The following DYM variants were observed in gnomAD, a reference collection of about 807,000 sequenced individuals.
The protein encoded by DYM is dyggve-Melchior-Clausen syndrome protein.
A neutral mutation model predicts 93.1 loss-of-function variants in DYM; 78 were observed. The ratio of observed to expected loss-of-function variants is 0.84; its 90% CI spans 0.70 to 1.01. DYM has a LOEUF of 1.01. Ranked by LOEUF, DYM falls within the 50% of genes least tolerant of loss-of-function variation. The pLI is 0.00. For synonymous variants in DYM, 321 were observed against 319.7 expected, an observed-to-expected ratio of 1.00 and a Z score of -0.04; for missense variants, 789 against 845.0, an observed-to-expected ratio of 0.93 and a Z score of 0.82.
intron 13 of DYM, among the ~76,000 whole-genome samples, chr18:49,216,008 G>T (rs2093018858): frequency 2.0e-5 from 3 of 152,224 alleles, no homozygotes; most frequent in Admixed American, 6.5e-5. Flanking sequence ...CAAAGAAAGG[G>T]GTGACAGATG....
chr18:49,225,408 G>A (rs2093493749), intron 13 of DYM, among the ~76,000 whole-genome samples: 1 of 152,082 alleles, frequency 6.6e-6, no homozygotes, highest in South Asian at 2.1e-4. Context: ...AACATCCTGG[G>A]AATCTCTAGT....
chr18:49,131,230 T>C (rs1414350458), intron 15 of DYM, among the ~76,000 whole-genome samples: 2 of 152,272 alleles, frequency 1.3e-5, no homozygotes, highest in East Asian at 1.9e-4. Flanking sequence ...ATGGAGGACA[T>C]TTCAATCTTC....
intron 15 of DYM, among the ~76,000 whole-genome samples, chr18:49,129,555 A>G (rs1220239571): frequency 6.6e-6 from 1 of 152,198 alleles, no homozygotes; most frequent in East Asian, 1.9e-4. Context: ...AAAGCAGCTA[A>G]AATGTTGATG....
At chr18:49,367,096 AGG>A (rs2066595750) in intron 5 of DYM, among the ~76,000 whole-genome samples, 1 of 152,248 alleles carries the variant, frequency 6.6e-6, no homozygotes, top group Non-Finnish European at 1.5e-5. Flanking sequence ...CCCGGTTAGG[AGG>A]GAGACATCTG....
intron 14 of DYM, among the ~76,000 whole-genome samples, chr18:49,169,250 T>C (rs1193398353): frequency 6.6e-6 from 1 of 152,342 alleles, no homozygotes; most frequent in East Asian, 1.9e-4. Context: ...ACTGCTCAAC[T>C]GCACCTGAAG....
At chr18:49,080,580 C>G (rs1293377091) in intron 17 of DYM, among the ~76,000 whole-genome samples, 8 of 128,468 alleles carry the variant, frequency 6.2e-5, no homozygotes, top group African/African-American at 1.2e-4. Flanking sequence ...GGCGGCTGGC[C>G]GGGCGGGGGC....
intron 3 of DYM, among the ~76,000 whole-genome samples, chr18:49,385,170 A>G (rs1048253371): frequency 2.6e-5 from 4 of 152,074 alleles, no homozygotes; most frequent in African/African-American, 9.7e-5. Context: ...GGCTCCTGAA[A>G]AGATTGTATT....
In DYM at chr18:49,104,821, A is replaced by G. The variant is rs1167847948; in HGVS notation, c.1912-7306T>C. ...GCTGGATTTGGTTTGCCAGTATTTTATCAGGATTTTTGCACCAATGTTCAT... is the reference window on the plus strand; with the variant it reads ...GCTGGATTTGGTTTGCCAGTATTTTGTCAGGATTTTTGCACCAATGTTCAT... On this transcript the variant is annotated intron_variant, in intron 16 of 17. Transcript: ENST00000675505. Among the ~76,000 whole-genome samples the G allele has an allele frequency of 2.6e-5, 4 of 152,096 alleles. No individual in the cohort carries two copies. In the East Asian group the frequency reaches 5.8e-4, roughly 22 times the overall value.
At chr18:49,322,026 A>T (rs542442767) in intron 8 of DYM, among the ~76,000 whole-genome samples, 1 of 152,254 alleles carries the variant, frequency 6.6e-6, no homozygotes, top group South Asian at 2.1e-4. Flanking sequence ...AATACATTAT[A>T]ATTACTGCAT....
chr18:49,115,625 T>A (rs1391222914), intron 16 of DYM, among the ~76,000 whole-genome samples: 1 of 152,190 alleles, frequency 6.6e-6, no homozygotes, highest in East Asian at 1.9e-4. Flanking sequence ...TTTAGAAACA[T>A]GAAGACTGAA....
chr18:49,213,758 T>C (rs2092903381), intron 13 of DYM, among the ~76,000 whole-genome samples: 1 of 152,164 alleles, frequency 6.6e-6, no homozygotes, highest in African/African-American at 2.4e-5. Flanking sequence ...TCTCCTTCCT[T>C]TGAGAAAGCT....
intron 8 of DYM, among the ~76,000 whole-genome samples, chr18:49,294,322 A>G (rs1168034429): frequency 6.6e-6 from 1 of 152,116 alleles, no homozygotes; most frequent in Admixed American, 6.6e-5. Flanking sequence ...TCCATATGAA[A>G]TTTAAAGCAG....
At chr18:49,340,079 T>C (rs929178171) in intron 6 of DYM, among the ~76,000 whole-genome samples, 1 of 152,004 alleles carries the variant, frequency 6.6e-6, no homozygotes, top group African/African-American at 2.4e-5. Flanking sequence ...GCCTCTCGAG[T>C]AGCTGTGAAC....
intron 14 of DYM, among the ~76,000 whole-genome samples, chr18:49,197,362 G>A (rs1202875464): frequency 1.3e-5 from 2 of 151,986 alleles, no homozygotes; most frequent in Admixed American, 1.3e-4. Context: ...AATGGCAAAA[G>A]GGGGGGAAGA....
intron 9 of DYM, among the ~76,000 whole-genome samples, chr18:49,282,857 A>C (rs905449987): frequency 6.6e-6 from 1 of 152,224 alleles, no homozygotes; most frequent in African/African-American, 2.4e-5. Flanking sequence ...TATCTACAGA[A>C]AAAGATATAA....
chr18:49,416,931 G>A (rs12456319), intron 2 of DYM, among the ~76,000 whole-genome samples: 13,838 of 151,940 alleles, frequency 0.091, 822 homozygotes, highest in East Asian at 0.31. Flanking sequence ...ACACCCTTCA[G>A]AGCCCCAGAC....
chr18:49,371,332 T>C (rs2067026062), intron 5 of DYM, among the ~76,000 whole-genome samples: 1 of 152,146 alleles, frequency 6.6e-6, no homozygotes, highest in Non-Finnish European at 1.5e-5. Context: ...AGACCCCATC[T>C]CTACCAAAAA....
chr18:49,452,597 G>A (rs2080136380), intron 1 of DYM, among the ~76,000 whole-genome samples: 1 of 152,082 alleles, frequency 6.6e-6, no homozygotes, highest in Non-Finnish European at 1.5e-5. Flanking sequence ...AGTGCTGACT[G>A]GCGTATCTAC....
intron 8 of DYM, among the ~76,000 whole-genome samples, chr18:49,299,124 T>C (rs2093235819): frequency 1.3e-5 from 2 of 152,154 alleles, no homozygotes; most frequent in Admixed American, 6.5e-5. Flanking sequence ...TTTCCCAAAA[T>C]GGTACACGGA....
Sources: allele counts gnomAD v4.1 joint callset (sites outside exome capture counted in the v4.1 genomes callset), GRCh38; gene constraint gnomAD v4.1.1; transcripts MANE v1.5; gene names NCBI Gene and HGNC (gene_info 2026-07-23, HGNC 2026-07-21).